The following EYA1 variants were observed in gnomAD, a reference collection of about 807,000 sequenced individuals.
EYA1 encodes the protein protein phosphatase EYA1.
EYA1 carries 16 observed loss-of-function variants against 82.0 expected under a neutral mutation model. That is an observed-to-expected ratio of 0.20 (90% confidence interval 0.13 to 0.30). The LOEUF is 0.30. EYA1 is among the 10% of genes least tolerant of loss of function. The probability of loss-of-function intolerance (pLI) is 1.00; values close to 1 mark genes in which losing one functional copy is unlikely to be tolerated. For missense variants in EYA1, 633 were observed against 730.7 expected (o/e 0.87, Z 1.54); for synonymous variants, 261 against 264.4 (o/e 0.99, Z 0.12).
intron 2 of EYA1, among the ~76,000 whole-genome samples, chr8:71,476,316 T>G (rs999517037): frequency 6.6e-5 from 10 of 152,274 alleles, no homozygotes; most frequent in African/African-American, 2.4e-4. Context: ...AGATAAATTC[T>G]AATTAAGAGT....
chr8:71,428,692 T>G (rs183589489), intron 2 of EYA1, among the ~76,000 whole-genome samples: 64 of 152,302 alleles, frequency 4.2e-4, no homozygotes, highest in African/African-American at 1.5e-3. Flanking sequence ...TTGAGGTGCA[T>G]TCAAGTGTTC....
chr8:71,455,080 C>T (rs970104709), intron 2 of EYA1, among the ~76,000 whole-genome samples: 3 of 152,140 alleles, frequency 2.0e-5, no homozygotes, highest in Non-Finnish European at 2.9e-5. Context: ...GGGGATATCA[C>T]CACTGATCCA....
At chr8:71,250,066 C>G (rs1171419743) in intron 11 of EYA1, among the ~76,000 whole-genome samples, 4 of 150,574 alleles carry the variant, frequency 2.7e-5, no homozygotes, top group Non-Finnish European at 4.4e-5. Flanking sequence ...AGCCTTGTGT[C>G]TTTTGTGGAT....
chr8:71,407,767 C>G lies in EYA1; in HGVS notation c.34-51256G>C, dbSNP rs374959137. Among the ~76,000 whole-genome samples, 16 of 137,716 alleles carry G rather than the reference C, an allele frequency of 1.2e-4. No homozygotes were observed. In the East Asian group the frequency reaches 1.2e-3, roughly 10 times the overall value. 90.3% of individuals were successfully genotyped at this position (137,716 alleles called of 152,430 possible). A position where few individuals can be genotyped will look rare whatever the true frequency, so the allele number is the denominator to read the frequency against. On this transcript the variant is annotated intron_variant, in intron 2 of 18. Transcript: ENST00000643681. ...CTGATTGGTGTACCTGAAAGTGATG[C>G]GGAGAATGGAACCAAGTTGGAAAAC... is the stretch of plus-strand genomic sequence containing the variant.
At position 71,311,442 on chromosome 8, in the gene EYA1, AG is replaced by A. The variant is rs368004372; in HGVS notation, c.556+6109del. Among the ~76,000 whole-genome samples the A allele has an allele frequency of 3.1e-3, 469 of 152,308 alleles. 1 individual carries two copies. The highest frequency in any genetic ancestry group is 5.6e-3 in the Non-Finnish European group (381 of 68,026). On this transcript the variant is annotated intron_variant, in intron 7 of 17. Transcript: ENST00000340726. ...GGCCAGTGCCCTTTGATTGGTAAGC[AG>A]CAGTAAAAACATATTGTTTGCAGAA...
rs371371615 is a variant in EYA1 at position 71,326,435 on chromosome 8, A to AAT, written c.203-4168_203-4167insAT. 5.4e-3 allele frequency among the ~76,000 whole-genome samples: 829 copies of AAT among 152,238 alleles called. 9 individuals are homozygous for AAT. Among genetic ancestry groups the AAT allele is most frequent in the African/African-American group, 0.017 (722 of 41,532 alleles). ...CACTTCTCATTTATCACTCTGTTCC[A>AAT]GTCACCAATGTTGTGGCAAACAGAA... is the stretch of plus-strand genomic sequence containing the variant. On this transcript the variant is annotated intron_variant, in intron 4 of 17. Coordinates refer to ENST00000340726, the MANE Select transcript of EYA1 (RefSeq NM_000503.6).
intron 3 of EYA1, among the ~76,000 whole-genome samples, chr8:71,350,247 C>A (rs893558385): frequency 2.6e-5 from 4 of 152,072 alleles, no homozygotes; most frequent in African/African-American, 4.8e-5. Context: ...ACATTTGCTC[C>A]AGTTTAGATA....
At chr8:71,424,722 T>C (rs141628649) in intron 2 of EYA1, among the ~76,000 whole-genome samples, 295 of 152,246 alleles carry the variant, frequency 1.9e-3, no homozygotes, top group African/African-American at 6.9e-3. Context: ...CCTTGAACTT[T>C]CTGCTTGCTA....
intron 12 of EYA1, among the ~76,000 whole-genome samples, chr8:71,221,620 G>A (rs181271290): frequency 2.0e-5 from 3 of 152,272 alleles, no homozygotes; most frequent in South Asian, 2.1e-4. Flanking sequence ...GCCATGAGCC[G>A]GGGCAGGAGA....
At chr8:71,292,552 C>A (rs1586212706) in intron 9 of EYA1, among the ~76,000 whole-genome samples, 1 of 151,950 alleles carries the variant, frequency 6.6e-6, no homozygotes, top group Non-Finnish European at 1.5e-5. Context: ...TTACACATAT[C>A]TTCTAATAAG....
Position 71,208,737 on chromosome 8 carries a change from G to GA in EYA1, c.1698+2418dup, listed in dbSNP as rs74571986. Among the ~76,000 whole-genome samples the GA allele has an allele frequency of 3.3e-3, 493 of 151,352 alleles. 1 individual carries two copies. The highest frequency in any genetic ancestry group is 5.8e-3 in the Non-Finnish European group (392 of 67,688). The stretch of plus-strand genomic sequence containing the variant: ...AGAACTTAAAGTATAATAAAAAAAA[G>GA]AAAAAAAAATCTTAACTGCTCTTCA... On this transcript the variant is annotated intron_variant, in intron 17 of 17. Coordinates refer to ENST00000340726, the MANE Select transcript of EYA1 (RefSeq NM_000503.6).
At chr8:71,314,843 A>C (rs1821732785) in intron 7 of EYA1, among the ~76,000 whole-genome samples, 1 of 152,230 alleles carries the variant, frequency 6.6e-6, no homozygotes, top group Non-Finnish European at 1.5e-5. Context: ...AAAAAGTTTT[A>C]ATGCAATATC....
intron 12 of EYA1, among the ~76,000 whole-genome samples, chr8:71,233,211 T>C (rs796072488): frequency 5.3e-5 from 8 of 152,310 alleles, no homozygotes; most frequent in African/African-American, 1.9e-4. Context: ...TATCCTACTA[T>C]CTAGAGATAA....
intron 2 of EYA1, among the ~76,000 whole-genome samples, chr8:71,394,609 T>C (rs1229125502): frequency 6.6e-6 from 1 of 151,932 alleles, no homozygotes; most frequent in African/African-American, 2.4e-5. Flanking sequence ...TGTAGATCTG[T>C]GGTATTATTT....
chr8:71,356,718 C>T (rs954385775), intron 1 of EYA1: 4 of 1,239,926 alleles, frequency 3.2e-6, no homozygotes, highest in African/African-American at 1.5e-5. Context: ...TCCTCCTCCC[C>T]TTGTCAGGGG....
chr8:71,391,843 C>A (rs1829296784), intron 2 of EYA1, among the ~76,000 whole-genome samples: 1 of 152,160 alleles, frequency 6.6e-6, no homozygotes, highest in African/African-American at 2.4e-5. Flanking sequence ...GTATGTAGAG[C>A]TCAGTGGTGA....
At chr8:71,385,602 C>G (rs1463485640) in intron 2 of EYA1, among the ~76,000 whole-genome samples, 2 of 152,114 alleles carry the variant, frequency 1.3e-5, no homozygotes, top group African/African-American at 4.8e-5. Context: ...TTAGGAAGAT[C>G]AGGTAATGTC....
chr8:71,384,716 A>G (rs1301686545), intron 2 of EYA1, among the ~76,000 whole-genome samples: 1 of 152,230 alleles, frequency 6.6e-6, no homozygotes, highest in East Asian at 1.9e-4. Flanking sequence ...TACTAGTATT[A>G]TTCTTTAGAC....
chr8:71,261,880 C>T (rs1414553428), intron 11 of EYA1, among the ~76,000 whole-genome samples: 2 of 152,222 alleles, frequency 1.3e-5, no homozygotes, highest in African/African-American at 4.8e-5. Context: ...ACAGAGTGTT[C>T]CAGCCACTTT....
Sources: gnomAD v4.1 joint callset for allele counts (sites outside exome capture counted in the v4.1 genomes callset) on GRCh38, gnomAD v4.1.1 for gene constraint, MANE v1.5 for transcripts, NCBI Gene and HGNC (gene_info 2026-07-23, HGNC 2026-07-21) for gene names.